The following PRKAR2B variants were observed in gnomAD, a reference collection of about 807,000 sequenced individuals.
PRKAR2B encodes protein kinase cAMP-dependent type II regulatory subunit beta.
A neutral mutation model predicts 49.9 loss-of-function variants in PRKAR2B; 14 were observed. The ratio of observed to expected loss-of-function variants is 0.28; its 90% confidence interval spans 0.19 to 0.44. PRKAR2B has a LOEUF of 0.44. PRKAR2B is among the 20% of genes least tolerant of loss of function. PRKAR2B has a pLI of 1.00. For synonymous variants in PRKAR2B, 196 were observed against 197.7 expected (o/e 0.99, Z 0.07); for missense variants, 393 against 537.9 (o/e 0.73, Z 2.67).
intron 2 of PRKAR2B, among the ~76,000 whole-genome samples, chr7:107,099,372 A>G (rs1317850539): frequency 6.6e-6 from 1 of 152,164 alleles, no homozygotes. Context: ...GGAAAAGCGC[A>G]GTATTAGGGT....
At chr7:107,109,061 G>A (rs1238093865) in intron 2 of PRKAR2B, among the ~76,000 whole-genome samples, 2 of 152,096 alleles carry the variant, frequency 1.3e-5, no homozygotes, top group Admixed American at 6.5e-5. Context: ...CTAAATAAGG[G>A]GTGAGTTATT....
chr7:107,064,955 A>C (rs1794104664), intron 1 of PRKAR2B, among the ~76,000 whole-genome samples: 1 of 152,178 alleles, frequency 6.6e-6, no homozygotes, highest in South Asian at 2.1e-4. Context: ...AAAAAAGTTA[A>C]TTATTCCTTG....
At chr7:107,148,774 A>T (rs1163918251) in intron 6 of PRKAR2B, among the ~76,000 whole-genome samples, 2 of 152,178 alleles carry the variant, frequency 1.3e-5, no homozygotes, top group Non-Finnish European at 2.9e-5. Flanking sequence ...GAATAGTCTC[A>T]CTCTGTAAAT....
chr7:107,099,127 G>C (rs1389697857), intron 2 of PRKAR2B, among the ~76,000 whole-genome samples: 1 of 152,210 alleles, frequency 6.6e-6, no homozygotes, highest in Non-Finnish European at 1.5e-5. Context: ...GGAGTCTACA[G>C]AGGCAGGCAG....
intron 3 of PRKAR2B, among the ~76,000 whole-genome samples, chr7:107,125,723 G>GA (rs1322919705): frequency 1.3e-5 from 2 of 152,124 alleles, no homozygotes; most frequent in South Asian, 4.1e-4. Flanking sequence ...CAGGGTGAGG[G>GA]AAAAGGGAAA....
intron 3 of PRKAR2B, among the ~76,000 whole-genome samples, chr7:107,127,097 T>C (rs1366461641): frequency 1.3e-5 from 2 of 152,250 alleles, no homozygotes; most frequent in African/African-American, 4.8e-5. Flanking sequence ...TTTTTAGCCA[T>C]CTGATGTGGT....
intron 4 of PRKAR2B, among the ~76,000 whole-genome samples, chr7:107,129,500 G>A (rs1157225576): frequency 6.6e-6 from 1 of 152,104 alleles, no homozygotes; most frequent in Non-Finnish European, 1.5e-5. Flanking sequence ...CGCGCACTAG[G>A]CTCTCAAAAG....
At chr7:107,106,759 C>T (rs1246092487) in intron 2 of PRKAR2B, among the ~76,000 whole-genome samples, 1 of 152,014 alleles carries the variant, frequency 6.6e-6, no homozygotes, top group Non-Finnish European at 1.5e-5. Flanking sequence ...TAGAATCTTA[C>T]ACTGGAGACC....
At chr7:107,136,846 G>A (rs1457224280) in intron 4 of PRKAR2B, among the ~76,000 whole-genome samples, 2 of 152,234 alleles carry the variant, frequency 1.3e-5, no homozygotes, top group Admixed American at 1.3e-4. Flanking sequence ...GGTCCACACA[G>A]AAACCTGTAC....
chr7:107,071,803 C>T (rs569168335), intron 2 of PRKAR2B, among the ~76,000 whole-genome samples: 3 of 152,300 alleles, frequency 2.0e-5, no homozygotes, highest in South Asian at 4.1e-4. Flanking sequence ...AGGTGGCTCA[C>T]GCCTGTAATC....
intron 2 of PRKAR2B, among the ~76,000 whole-genome samples, chr7:107,072,018 A>G (rs916520439): frequency 1.3e-5 from 2 of 151,628 alleles, no homozygotes; most frequent in African/African-American, 4.8e-5. Flanking sequence ...GCAGTGAGCC[A>G]AGATTGCACC....
chr7:107,047,254 T>C (rs1038891219), intron 1 of PRKAR2B, among the ~76,000 whole-genome samples: 2 of 152,234 alleles, frequency 1.3e-5, no homozygotes, highest in African/African-American at 4.8e-5. Flanking sequence ...TTCTGTCAGA[T>C]GCAGTGCTTT....
intron 4 of PRKAR2B, among the ~76,000 whole-genome samples, chr7:107,134,899 AG>A (rs1795667667): frequency 7.9e-5 from 12 of 152,194 alleles, no homozygotes. Flanking sequence ...AAAACATAGG[AG>A]TAAGTCTTTA....
chr7:107,099,783 C>T (rs1025956198), intron 2 of PRKAR2B, among the ~76,000 whole-genome samples: 1 of 152,014 alleles, frequency 6.6e-6, no homozygotes, highest in African/African-American at 2.4e-5. Flanking sequence ...TACAGGCCCC[C>T]ACCACCATGC....
chr7:107,074,799 A>AAAAT (rs945563998), intron 2 of PRKAR2B, among the ~76,000 whole-genome samples: 23 of 152,178 alleles, frequency 1.5e-4, no homozygotes, highest in East Asian at 1.2e-3. Flanking sequence ...GACTGCGTTT[A>AAAAT]AAATAAATAA....
intron 5 of PRKAR2B, among the ~76,000 whole-genome samples, chr7:107,144,707 C>T (rs1795856948): frequency 6.6e-6 from 1 of 151,940 alleles, no homozygotes; most frequent in African/African-American, 2.4e-5. Flanking sequence ...ATCCTCCCAC[C>T]TTGGCCTCCC....
At chr7:107,070,459 G>A in intron 2 of PRKAR2B, 143 bp downstream of exon 2, 1 of 697,164 alleles carries the variant, frequency 1.4e-6, no homozygotes, top group Non-Finnish European at 2.3e-6. Context: ...ACAACTATCT[G>A]ATATAATCAC....
At chr7:107,085,501 T>C (rs562033553) in intron 2 of PRKAR2B, among the ~76,000 whole-genome samples, 111 of 152,288 alleles carry the variant, frequency 7.3e-4, no homozygotes, top group Non-Finnish European at 1.4e-3. Flanking sequence ...TAAATGCTTA[T>C]GGTAAAAAAG....
intron 6 of PRKAR2B, among the ~76,000 whole-genome samples, chr7:107,146,866 C>G (rs1283780071): frequency 6.6e-6 from 1 of 152,210 alleles, no homozygotes; most frequent in Non-Finnish European, 1.5e-5. Flanking sequence ...AGCTGTATCA[C>G]TTGGGAACTT....
Sources: gnomAD v4.1 joint callset for allele counts (sites outside exome capture counted in the v4.1 genomes callset) on GRCh38, gnomAD v4.1.1 for gene constraint, MANE v1.5 for transcripts, NCBI Gene and HGNC (gene_info 2026-07-23, HGNC 2026-07-21) for gene names.